CATSPERB: variants seen among roughly 807,000 people sequenced by gnomAD.
CATSPERB encodes catsper channel auxiliary subunit beta.
Under a neutral mutation model 128.3 loss-of-function variants are expected in CATSPERB, and 93 were observed. That is an observed-to-expected ratio of 0.72 (90% confidence interval 0.61 to 0.86). The LOEUF (loss-of-function observed/expected upper bound fraction) is 0.86. Ranked by LOEUF, CATSPERB falls within the 40% of genes least tolerant of loss-of-function variation. CATSPERB has a pLI of 0.00. For synonymous variants in CATSPERB, 381 were observed against 448.8 expected (o/e 0.85, Z 1.91); for missense variants, 1,153 against 1,329.5 (o/e 0.87, Z 2.06).
chr14:91,629,612 T>C (rs932200228), intron 17 of CATSPERB, among the ~76,000 whole-genome samples: 4 of 152,182 alleles, frequency 2.6e-5, no homozygotes, highest in Non-Finnish European at 5.9e-5. Flanking sequence ...AGGTTTCGTG[T>C]GTGTATGGGA....
At chr14:91,608,114 ACT>A (rs1486904594) in intron 22 of CATSPERB, among the ~76,000 whole-genome samples, 178 bp downstream of exon 22, 2 of 152,210 alleles carry the variant, frequency 1.3e-5, no homozygotes, top group Admixed American at 6.5e-5. Context: ...TGGCTCCAAA[ACT>A]GTATTCAGGA....
chr14:91,607,411 C>T (rs1480831601), intron 22 of CATSPERB, among the ~76,000 whole-genome samples: 1 of 152,026 alleles, frequency 6.6e-6, no homozygotes, highest in East Asian at 1.9e-4. Context: ...GAAGAGTCAG[C>T]CATGTGGTAT....
Position 91,610,595 on chromosome 14 carries a change from C to T in CATSPERB, c.2483G>A (p.Ser828Asn). The T allele has an allele frequency of 6.2e-7, 1 of 1,613,504 alleles. No homozygotes were observed. Among genetic ancestry groups the T allele is most frequent in the Non-Finnish European group, 8.5e-7 (1 of 1,179,578 alleles). Reference protein sequence around the residue: ...VTTMVPTLKSSCSYLRSMHHI... With the variant: ...VTTMVPTLKSNCSYLRSMHHI... ...ATGCATAGATCTGAGATAACTACAGCTGCTTTTCAGTGTTGGCACCATTGT... is the reference window on the plus strand; with the variant it reads ...ATGCATAGATCTGAGATAACTACAGTTGCTTTTCAGTGTTGGCACCATTGT... The change falls in exon 21 of 27, where the codon AGC becomes AAC. Residue 828 changes from serine (S) to asparagine (N), a missense_variant. Coordinates refer to ENST00000256343, the MANE Select transcript of CATSPERB (RefSeq NM_024764.4).
At chr14:91,680,246 G>A (rs1291139454) in intron 11 of CATSPERB, among the ~76,000 whole-genome samples, 1 of 152,086 alleles carries the variant, frequency 6.6e-6, no homozygotes, top group East Asian at 1.9e-4. Context: ...TGCCAATTAT[G>A]TTTTACTTTA....
At chr14:91,721,054 T>C (rs1896020376) in intron 4 of CATSPERB, among the ~76,000 whole-genome samples, 1 of 152,150 alleles carries the variant, frequency 6.6e-6, no homozygotes, top group Non-Finnish European at 1.5e-5. Flanking sequence ...GACCCTTATC[T>C]CACATCAAAT....
At chr14:91,669,439 A>G (rs1895048294) in intron 14 of CATSPERB, among the ~76,000 whole-genome samples, 1 of 151,912 alleles carries the variant, frequency 6.6e-6, no homozygotes, top group Non-Finnish European at 1.5e-5. Context: ...AGAGCCAGAA[A>G]GTCAAGCTCA....
intron 6 of CATSPERB, 49 bp downstream of exon 6, chr14:91,708,092 G>T: frequency 7.6e-7 from 1 of 1,309,420 alleles, no homozygotes; most frequent in Non-Finnish European, 1.1e-6. Context: ...GTCAAAGTTT[G>T]TTGAAAGAAT....
At chr14:91,722,082 G>A (rs1896043959) in intron 4 of CATSPERB, among the ~76,000 whole-genome samples, 2 of 152,108 alleles carry the variant, frequency 1.3e-5, no homozygotes. Context: ...CTAACAAGCT[G>A]CTAGTGAGAA....
At chr14:91,649,815 G>C (rs7146005) in intron 15 of CATSPERB, among the ~76,000 whole-genome samples, 27,343 of 150,390 alleles carry the variant, frequency 0.18, 2,678 homozygotes, top group South Asian at 0.23. Flanking sequence ...TATTCCTCTT[G>C]TCTTTTAAAT....
At position 91,619,861 on chromosome 14, in the gene CATSPERB, T is replaced by TTGTGTG. The variant is rs55687285; in HGVS notation, c.2260+1741_2260+1746dup. On this transcript the variant is annotated intron_variant, in intron 19 of 26. Transcript: ENST00000256343. ...AAAATATATTTTTAATGTAATAAAA[T>TTGTGTG]TGTGTGTGTGTGTGTGTGTGTGTGT... is the stretch of plus-strand genomic sequence containing the variant. Among the ~76,000 whole-genome samples the TTGTGTG allele has an allele frequency of 4.9e-3, 686 of 139,104 alleles. 5 individuals are homozygous for TTGTGTG. The highest frequency in any genetic ancestry group is 0.015 in the African/African-American group (564 of 37,078). 91.3% of individuals were successfully genotyped at this position (139,104 alleles called of 152,430 possible). A position where few individuals can be genotyped will look rare whatever the true frequency, so the allele number is the denominator to read the frequency against.
chr14:91,686,292 C>T (rs1168475575), intron 10 of CATSPERB, among the ~76,000 whole-genome samples: 1 of 152,114 alleles, frequency 6.6e-6, no homozygotes, highest in Non-Finnish European at 1.5e-5. Context: ...GACTTTGTCT[C>T]GTTCACTATG....
At chr14:91,673,760 G>C (rs963810055) in intron 12 of CATSPERB, among the ~76,000 whole-genome samples, 2 of 152,044 alleles carry the variant, frequency 1.3e-5, no homozygotes, top group Admixed American at 6.6e-5. Flanking sequence ...GAGCGTGCCT[G>C]TAGTCCCAGC....
At chr14:91,603,399 T>G (rs1893641580) in intron 22 of CATSPERB, 10 of 1,608,760 alleles carry the variant, frequency 6.2e-6, no homozygotes, top group Non-Finnish European at 8.5e-6. Context: ...ATTAAAGGTA[T>G]AAGCAGCACG....
At chr14:91,683,025 T>G (rs1895309880) in intron 11 of CATSPERB, among the ~76,000 whole-genome samples, 1 of 152,210 alleles carries the variant, frequency 6.6e-6, no homozygotes, top group African/African-American at 2.4e-5. Flanking sequence ...TATAGATACC[T>G]TCTCCCAATA....
intron 26 of CATSPERB, among the ~76,000 whole-genome samples, chr14:91,582,022 C>T (rs778970094): frequency 1.6e-4 from 25 of 152,184 alleles, no homozygotes; most frequent in Non-Finnish European, 2.6e-4. Context: ...GAAACAGTCC[C>T]TCCATGCTAT....
intron 15 of CATSPERB, among the ~76,000 whole-genome samples, chr14:91,641,567 T>C (rs1243538423): frequency 1.3e-5 from 2 of 150,176 alleles, no homozygotes; most frequent in African/African-American, 2.5e-5. Context: ...CATTGATCTA[T>C]ATCTCTGTTT....
In CATSPERB at chr14:91,590,605, A is replaced by G. The variant is rs535567877; in HGVS notation, c.2821-936T>C. On this transcript the variant is annotated intron_variant, in intron 23 of 26. Coordinates refer to ENST00000256343, the MANE Select transcript of CATSPERB (RefSeq NM_024764.4). ...CTCTACACCAACATATTGTGTATAT[A>G]CATATATAATATCATATATAGTCTC... 2.6e-5 allele frequency among the ~76,000 whole-genome samples: 4 copies of G among 152,270 alleles called. No individual in the cohort carries two copies. The South Asian group carries it at 8.3e-4, about 32-fold the overall frequency.
Position 91,589,626 on chromosome 14 carries a change from A to G in CATSPERB, c.2864T>C (p.Leu955Ser), listed in dbSNP as rs780486352. 2 of 1,613,998 alleles carry G rather than the reference A, an allele frequency of 1.2e-6. No individual in the cohort carries two copies. Among genetic ancestry groups the G allele is most frequent in the Admixed American group, 1.7e-5 (1 of 60,020 alleles). The change falls in exon 24 of 27, where the codon TTG (leucine) becomes TCG (serine). Residue 955 changes from leucine to serine, a missense_variant. Coordinates refer to ENST00000256343, the MANE Select transcript of CATSPERB (RefSeq NM_024764.4). ...ACGTCCATCCTCGTTGATAATTTCC[A>G]AAGAAACTGGATATTGTGTAATTGG... ...KFPITQYPVS[L>S]EIINEDGRVP...
Position 91,693,188 on chromosome 14 carries a change from G to C in CATSPERB, c.769C>G (p.Leu257Val). 6.2e-7 allele frequency: 1 copy of C among 1,613,750 alleles called. No individual in the cohort carries two copies. ...MVLTNHFLVI[L>V]TSLGLFVSED... ...CTTACAAAAAGGCCCAAAGAGGTGA[G>C]GATAACTAAAAAATGATTCGTTAAA... is the stretch of plus-strand genomic sequence containing the variant. The change falls in exon 9 of 27, where the codon CTC (leucine) becomes GTC (valine). Residue 257 changes from leucine to valine, a missense_variant. By Grantham distance (32) the Leu-to-Val change is conservative (BLOSUM62 1). Transcript: ENST00000256343.
Sources: allele counts gnomAD v4.1 joint callset (sites outside exome capture counted in the v4.1 genomes callset), GRCh38; gene constraint gnomAD v4.1.1; transcripts MANE v1.5; gene names NCBI Gene and HGNC (gene_info 2026-07-23, HGNC 2026-07-21).